RELN: variants seen among roughly 807,000 people sequenced by gnomAD.
RELN encodes the protein reelin.
RELN carries 108 observed loss-of-function variants against 427.6 expected under a neutral mutation model. The ratio of observed to expected loss-of-function variants is 0.25; its 90% CI spans 0.22 to 0.30. The LOEUF is 0.30. Ranked by LOEUF, RELN falls within the 10% of genes least tolerant of loss-of-function variation. The pLI, the probability that RELN is intolerant of heterozygous loss-of-function variation, is 1.00. For synonymous variants in RELN, 1,524 were observed against 1,513.4 expected (o/e 1.01, Z -0.16); for missense variants, 3,715 against 4,302.8 (o/e 0.86, Z 3.82).
At chr7:103,754,942 A>G (rs1463552699) in intron 4 of RELN, among the ~76,000 whole-genome samples, 1 of 152,178 alleles carries the variant, frequency 6.6e-6, no homozygotes, top group African/African-American at 2.4e-5. Flanking sequence ...AGGCCAAAAT[A>G]ATCCTAATAA....
At chr7:103,922,383 C>G (rs537613190) in intron 1 of RELN, among the ~76,000 whole-genome samples, 2 of 152,094 alleles carry the variant, frequency 1.3e-5, no homozygotes, top group East Asian at 3.9e-4. Context: ...AATTAATCTT[C>G]TGATAATTTT....
rs362664 is a variant in RELN at position 103,594,685 on chromosome 7, G to A, written c.3540-193C>T. The stretch of plus-strand genomic sequence containing the variant: ...TGTAGGCAGGTTTAGTCCTGGTCAT[G>A]TTTATTTCATTTGGAATTGTATCTT... On this transcript the variant is annotated intron_variant, in intron 25 of 64. Coordinates refer to ENST00000428762, the MANE Select transcript of RELN (RefSeq NM_005045.4). Among the ~76,000 whole-genome samples the A allele has an allele frequency of 0.24, 35,948 of 152,022 alleles. 5,110 individuals carry two copies. Among genetic ancestry groups the A allele is most frequent in the South Asian group, 0.37 (1,784 of 4,820 alleles).
intron 9 of RELN, among the ~76,000 whole-genome samples, chr7:103,699,089 A>G (rs1834037959): frequency 6.6e-6 from 1 of 152,168 alleles, no homozygotes; most frequent in South Asian, 2.1e-4. Flanking sequence ...TATATAATAA[A>G]ATATTTTTAT....
chr7:103,944,210 CATAAGA>C (rs1220498218), intron 1 of RELN, among the ~76,000 whole-genome samples: 2 of 152,038 alleles, frequency 1.3e-5, no homozygotes, highest in African/African-American at 2.4e-5. Context: ...ATTAATAAAC[CATAAGA>C]ATAAGAATAA....
intron 1 of RELN, among the ~76,000 whole-genome samples, chr7:103,979,296 G>A (rs901332909): frequency 3.9e-5 from 6 of 152,252 alleles, no homozygotes; most frequent in African/African-American, 1.4e-4. Flanking sequence ...TATACTACCG[G>A]AGAATGAGAC....
intron 3 of RELN, among the ~76,000 whole-genome samples, chr7:103,778,749 G>T (rs574109521): frequency 6.6e-6 from 1 of 152,238 alleles, no homozygotes; most frequent in South Asian, 2.1e-4. Flanking sequence ...AATTTCTAAA[G>T]AATAATGACA....
At chr7:103,495,614 T>C in intron 57 of RELN, 109 bp downstream of exon 57, 1 of 1,078,340 alleles carries the variant, frequency 9.3e-7, no homozygotes, top group Non-Finnish European at 1.4e-6. Flanking sequence ...ATAAAGTCTT[T>C]TTTAATGAAT....
At chr7:103,473,074 A>G (rs544878094) in intron 64 of RELN, 166 bp from the exon 65 acceptor site, 12 of 730,964 alleles carry the variant, frequency 1.6e-5, no homozygotes, top group South Asian at 1.6e-4. Context: ...GGTCAGAGGA[A>G]CTAAAGGCTG....
At chr7:103,735,043 T>G (rs1229588072) in intron 6 of RELN, among the ~76,000 whole-genome samples, 1 of 152,154 alleles carries the variant, frequency 6.6e-6, no homozygotes, top group Non-Finnish European at 1.5e-5. Flanking sequence ...CACAATCTAT[T>G]TTATATGTAC....
intron 4 of RELN, among the ~76,000 whole-genome samples, chr7:103,771,011 T>G (rs1249600937): frequency 6.7e-6 from 1 of 149,370 alleles, no homozygotes; most frequent in Non-Finnish European, 1.5e-5. Context: ...GCCTCCCAGG[T>G]TTAAGCGATT....
intron 61 of RELN, among the ~76,000 whole-genome samples, chr7:103,484,786 A>C (rs1828371185): frequency 6.6e-6 from 1 of 152,184 alleles, no homozygotes; most frequent in Non-Finnish European, 1.5e-5. Context: ...AGGACATGGA[A>C]TACAACCACA....
chr7:103,507,127 C>CTAATA (rs879649468), intron 51 of RELN, among the ~76,000 whole-genome samples: 12,768 of 152,110 alleles, frequency 0.084, 685 homozygotes, highest in East Asian at 0.16. Context: ...ATCAACGAGA[C>CTAATA]AGAAAATTAA....
intron 20 of RELN, among the ~76,000 whole-genome samples, chr7:103,623,150 A>C (rs1162861914): frequency 6.6e-6 from 1 of 152,190 alleles, no homozygotes; most frequent in Non-Finnish European, 1.5e-5. Context: ...ATAGGAAGTG[A>C]CTTTTCCATT....
intron 22 of RELN, among the ~76,000 whole-genome samples, chr7:103,606,367 T>G (rs183725885): frequency 7.1e-4 from 108 of 152,290 alleles, no homozygotes; most frequent in Non-Finnish European, 1.1e-3. Context: ...GGTGACGGAA[T>G]GAAGAATGTA....
chr7:103,502,895 G>T, intron 52 of RELN, 121 bp downstream of exon 52: 1 of 833,254 alleles, frequency 1.2e-6, no homozygotes, highest in Non-Finnish European at 2.0e-6. Context: ...AACCTTTAGA[G>T]TTAGGGAGAA....
At chr7:103,619,746 G>C (rs1378831109) in intron 20 of RELN, among the ~76,000 whole-genome samples, 1 of 152,208 alleles carries the variant, frequency 6.6e-6, no homozygotes. Context: ...AGAAGGGAAA[G>C]AGGGAGACCA....
intron 55 of RELN, 148 bp downstream of exon 55, chr7:103,497,672 G>T: frequency 1.4e-6 from 1 of 713,792 alleles, no homozygotes; most frequent in Non-Finnish European, 2.5e-6. Flanking sequence ...TACGGAACAT[G>T]TAATACAAAC....
intron 3 of RELN, among the ~76,000 whole-genome samples, chr7:103,781,189 C>T (rs982663439): frequency 1.3e-5 from 2 of 152,048 alleles, no homozygotes; most frequent in Admixed American, 6.5e-5. Flanking sequence ...CTTGCTTTAT[C>T]CCATGAGCCA....
chr7:103,954,099 TA>T (rs1002850691), intron 1 of RELN, among the ~76,000 whole-genome samples: 12 of 144,328 alleles, frequency 8.3e-5, no homozygotes, highest in African/African-American at 1.8e-4. Flanking sequence ...AAAATAAAAT[TA>T]AAAAAAAAAA....
Sources: allele counts gnomAD v4.1 joint callset (sites outside exome capture counted in the v4.1 genomes callset), GRCh38; gene constraint gnomAD v4.1.1; transcripts MANE v1.5; gene names NCBI Gene and HGNC (gene_info 2026-07-23, HGNC 2026-07-21).